Variants in PPARGC1A observed in about 807,000 individuals in gnomAD.
PPARGC1A encodes the protein PPARG coactivator 1 alpha.
Under a neutral mutation model 88.7 loss-of-function variants are expected in PPARGC1A, and 25 were observed. The observed-to-expected ratio is 0.28, with a 90% confidence interval of 0.21 to 0.39. The LOEUF (loss-of-function observed/expected upper bound fraction) is 0.39. Among genes scored for constraint, PPARGC1A ranks in the 10% least tolerant of loss-of-function variants. The pLI is 1.00. For synonymous variants in PPARGC1A, 363 were observed against 355.6 expected (o/e 1.02, Z -0.24); for missense variants, 880 against 968.7 (o/e 0.91, Z 1.22).
chr4:23,869,101 C>T (rs1210387119), intron 2 of PPARGC1A, among the ~76,000 whole-genome samples: 4 of 152,154 alleles, frequency 2.6e-5, no homozygotes, highest in African/African-American at 9.7e-5. Flanking sequence ...TCACCACTGG[C>T]ACCATTAATC....
At chr4:24,130,804 C>G in the PPARGC1A span, among the ~76,000 whole-genome samples, 1 of 152,116 alleles carries the variant, frequency 6.6e-6, no homozygotes, top group Non-Finnish European at 1.5e-5. Context: ...TCAGCAGCCA[C>G]TCACCACCCA....
the PPARGC1A span, among the ~76,000 whole-genome samples, chr4:24,463,626 T>C: frequency 6.6e-6 from 1 of 152,240 alleles, no homozygotes; most frequent in Non-Finnish European, 1.5e-5. Flanking sequence ...ATATGCTCTG[T>C]CTGTCCACTA....
chr4:24,099,240 T>C, the PPARGC1A span, among the ~76,000 whole-genome samples: 1 of 143,860 alleles, frequency 7.0e-6, no homozygotes, highest in Non-Finnish European at 1.5e-5. Flanking sequence ...CTATACGATA[T>C]ATTTGAGGGA....
the PPARGC1A span, among the ~76,000 whole-genome samples, chr4:23,930,638 A>C: frequency 2.6e-5 from 4 of 152,244 alleles, no homozygotes; most frequent in Non-Finnish European, 5.9e-5. Flanking sequence ...AATTGTTGCC[A>C]GAGGCTGTTC....
chr4:24,241,740 C>T, the PPARGC1A span, among the ~76,000 whole-genome samples: 1 of 152,190 alleles, frequency 6.6e-6, no homozygotes, highest in Non-Finnish European at 1.5e-5. Context: ...TTTATCTGTG[C>T]AACTCCAAAC....
At chr4:24,178,559 A>T in the PPARGC1A span, among the ~76,000 whole-genome samples, 5 of 152,348 alleles carry the variant, frequency 3.3e-5, no homozygotes, top group Non-Finnish European at 7.3e-5. Flanking sequence ...TACTTGAAGC[A>T]GTTAACTGTA....
the PPARGC1A span, among the ~76,000 whole-genome samples, chr4:24,367,126 G>A: frequency 6.6e-6 from 1 of 152,180 alleles, no homozygotes; most frequent in Non-Finnish European, 1.5e-5. Flanking sequence ...AAGCATTTGG[G>A]TTAATGATTC....
At chr4:24,196,054 C>A in the PPARGC1A span, among the ~76,000 whole-genome samples, 1 of 152,232 alleles carries the variant, frequency 6.6e-6, no homozygotes, top group Non-Finnish European at 1.5e-5. Context: ...CATCTGATTT[C>A]TCACTTTCAG....
chr4:24,392,724 G>C, the PPARGC1A span, among the ~76,000 whole-genome samples: 1 of 152,044 alleles, frequency 6.6e-6, no homozygotes, highest in Non-Finnish European at 1.5e-5. Context: ...AAGACAACAT[G>C]GGTAGCAGAA....
At chr4:24,414,977 G>A in the PPARGC1A span, among the ~76,000 whole-genome samples, 1 of 152,074 alleles carries the variant, frequency 6.6e-6, no homozygotes, top group Non-Finnish European at 1.5e-5. Flanking sequence ...ATCACTTGAG[G>A]CCAGGAGCTC....
At chr4:24,283,043 T>C in the PPARGC1A span, among the ~76,000 whole-genome samples, 1 of 152,094 alleles carries the variant, frequency 6.6e-6, no homozygotes, top group African/African-American at 2.4e-5. Flanking sequence ...ACAAACCAAC[T>C]CAGTCGCTGG....
At chr4:23,953,300 C>G in the PPARGC1A span, among the ~76,000 whole-genome samples, 1 of 152,068 alleles carries the variant, frequency 6.6e-6, no homozygotes, top group African/African-American at 2.4e-5. Context: ...AGCTATCTAG[C>G]ATTTCTGAAT....
chr4:24,275,571 C>CA, the PPARGC1A span, among the ~76,000 whole-genome samples: 1 of 152,172 alleles, frequency 6.6e-6, no homozygotes, highest in Non-Finnish European at 1.5e-5. Flanking sequence ...CAGATCCCCT[C>CA]ACATGAGGAA....
chr4:24,332,699 A>G, the PPARGC1A span, among the ~76,000 whole-genome samples: 1 of 152,234 alleles, frequency 6.6e-6, no homozygotes, highest in Non-Finnish European at 1.5e-5. Context: ...GTAAATGAAC[A>G]TCTGTGCTCC....
the PPARGC1A span, among the ~76,000 whole-genome samples, chr4:24,074,253 C>T: frequency 1.3e-5 from 2 of 152,096 alleles, no homozygotes; most frequent in East Asian, 1.9e-4. Context: ...CTACGGAGAA[C>T]CAATTTCTCC....
At chr4:23,797,379 A>C (rs1350766799) in intron 12 of PPARGC1A, among the ~76,000 whole-genome samples, 2 of 152,036 alleles carry the variant, frequency 1.3e-5, no homozygotes, top group Non-Finnish European at 1.5e-5. Context: ...TGTCTAGCTC[A>C]TTGCTAGAGA....
chr4:24,030,833 C>G, the PPARGC1A span, among the ~76,000 whole-genome samples: 1 of 152,178 alleles, frequency 6.6e-6, no homozygotes, highest in Non-Finnish European at 1.5e-5. Flanking sequence ...TGCACAAAGA[C>G]TGGCCTTGAA....
chr4:24,209,660 C>G, the PPARGC1A span, among the ~76,000 whole-genome samples: 1 of 152,298 alleles, frequency 6.6e-6, no homozygotes. Flanking sequence ...AAGAAAGGAG[C>G]ATTGCCTAGA....
the PPARGC1A span, among the ~76,000 whole-genome samples, chr4:24,433,489 A>T: frequency 6.6e-6 from 1 of 152,206 alleles, no homozygotes; most frequent in Admixed American, 6.5e-5. Flanking sequence ...CTTTTAACCC[A>T]TGCTAATTAT....
Sources: allele counts gnomAD v4.1 joint callset (sites outside exome capture counted in the v4.1 genomes callset), GRCh38; gene constraint gnomAD v4.1.1; transcripts MANE v1.5; gene names NCBI Gene and HGNC (gene_info 2026-07-23, HGNC 2026-07-21).